LRP1: variants seen among roughly 807,000 people sequenced by gnomAD.
LRP1 encodes the protein LDL receptor related protein 1, also known as prolow-density lipoprotein receptor-related protein 1.
In LRP1, 51 loss-of-function variants were observed where a neutral mutation model predicts 541.5. The ratio of observed to expected loss-of-function variants is 0.09; its 90% CI spans 0.08 to 0.12. The LOEUF (loss-of-function observed/expected upper bound fraction) is 0.12. Ranked by LOEUF, LRP1 falls within the 10% of genes least tolerant of loss-of-function variation. LRP1 has a pLI of 1.00. For synonymous variants in LRP1, 2,219 were observed against 2,470.8 expected, an observed-to-expected ratio of 0.90 and a Z score of 3.02; for missense variants, 3,878 against 6,376.2, an observed-to-expected ratio of 0.61 and a Z score of 13.34.
At chr12:57,134,878 C>T (rs1043082819) in intron 1 of LRP1, among the ~76,000 whole-genome samples, 5 of 151,956 alleles carry the variant, frequency 3.3e-5, no homozygotes, top group Non-Finnish European at 7.4e-5. Flanking sequence ...GCTAATTTTT[C>T]ATATTTTTAG....
rs1446406664 is a variant in LRP1 at position 57,210,226 on chromosome 12, C to A, written c.12580+57C>A. On this transcript the variant is annotated intron_variant, in intron 81 of 88. Transcript: ENST00000243077. ...CCTCAGGACCATCTCCTTCCTGTGG[C>A]TCCTGACTTCCCCTGACCTTGTTGC... 6 of 1,550,942 alleles carry A rather than the reference C, an allele frequency of 3.9e-6. No homozygotes were observed. The African/African-American group carries it at 8.1e-5, about 21-fold the overall frequency.
Position 57,158,361 on chromosome 12 carries a change from A to G in LRP1, c.1562-41A>G. On this transcript the variant is annotated intron_variant, in intron 10 of 88. Coordinates refer to ENST00000243077, the MANE Select transcript of LRP1 (RefSeq NM_002332.3). The surrounding 1 kb of genome is among the most constrained non-coding windows in gnomAD (Gnocchi z 5.3). ...CAGCCCCTGGGTGGGGATGATGGTC[A>G]TGTGTGTGTCTGACTGTACCCTGGC... 6.6e-7 allele frequency: 1 copy of G among 1,506,680 alleles called. No individual in the cohort carries two copies. The highest frequency in any genetic ancestry group is 9.1e-7 in the Non-Finnish European group (1 of 1,098,818). The allele number at this position is 1,506,680 out of a possible 1,614,324, so 93.3% of individuals were successfully genotyped here.
At position 57,165,337 on chromosome 12, in the gene LRP1, T is replaced by A; in HGVS notation, c.2531-468T>A. ...ACAGATAGTGATGGTGAGGCATACG[T>A]TCTGGGGACAGGATGGGTGGAGCCT... On this transcript the variant is annotated intron_variant, in intron 15 of 88. Coordinates refer to ENST00000243077, the MANE Select transcript of LRP1 (RefSeq NM_002332.3). The surrounding 1 kb of genome is among the most constrained non-coding windows in gnomAD (Gnocchi z 4.5). The A allele has an allele frequency of 6.2e-6, 1 of 161,622 alleles. No individual in the cohort carries two copies. The highest frequency in any genetic ancestry group is 1.7e-4 in the South Asian group (1 of 5,802). 10.0% of individuals were successfully genotyped at this position (161,622 alleles called of 1,614,324 possible).
chr12:57,130,657 C>T (rs1369899833), intron 1 of LRP1, among the ~76,000 whole-genome samples: 2 of 152,070 alleles, frequency 1.3e-5, no homozygotes, highest in Non-Finnish European at 2.9e-5. Context: ...TCAGGAGCCC[C>T]TTGAAGGAGG....
In LRP1 at chr12:57,179,851, C is replaced by A. The variant is rs2036125785; in HGVS notation, c.5036C>A (p.Thr1679Asn). Reference sequence around the variant, plus strand: ...AACCTGTTCTGGACAAGCTATGACACCAATAAGAAGCAGATCAATGTGGCC... The same window carrying A: ...AACCTGTTCTGGACAAGCTATGACAACAATAAGAAGCAGATCAATGTGGCC... ...SRNLFWTSYDTNKKQINVARL... is the reference protein window; with the variant it reads ...SRNLFWTSYDNNKKQINVARL... Residue 1679 changes from threonine (T) to asparagine (N), a missense_variant, in exon 30 of 89, where the codon ACC becomes AAC. Around this residue, in one of 13 missense-constraint regions of LRP1, gnomAD observed 394 missense variants for 635.9 expected, o/e 0.62. Transcript: ENST00000243077. The surrounding 1 kb of genome is among the most constrained non-coding windows in gnomAD (Gnocchi z 6.8). The A allele has an allele frequency of 5.6e-6, 9 of 1,614,170 alleles. No homozygotes were observed. The highest frequency in any genetic ancestry group is 7.6e-6 in the Non-Finnish European group (9 of 1,180,032).
In LRP1 at chr12:57,185,157, G is replaced by A. The variant is rs1404245051; in HGVS notation, c.6415G>A (p.Gly2139Ser). The A allele has an allele frequency of 3.1e-6, 5 of 1,613,992 alleles. No homozygotes were observed. Among genetic ancestry groups the A allele is most frequent in the East Asian group, 2.2e-5 (1 of 44,890 alleles). ...CTCCGTGCCCCTGCGAACCGGCATC[G>A]GCGTCCAGCTTAAAGACATCAAAGT... ...TDSVPLRTGIGVQLKDIKVFN... is the reference protein window; with the variant it reads ...TDSVPLRTGISVQLKDIKVFN... Residue 2139 changes from glycine to serine, a missense_variant, in exon 40 of 89, where the codon GGC (glycine) becomes AGC (serine). Transcript: ENST00000243077. This position sits in a 1 kb window ranked among gnomAD's most constrained non-coding sequence, Gnocchi z 4.9.
Position 57,203,694 on chromosome 12 carries a change from A to T in LRP1, c.10951+173A>T, listed in dbSNP as rs34185879. On this transcript the variant is annotated intron_variant, in intron 70 of 88. Coordinates refer to ENST00000243077, the MANE Select transcript of LRP1 (RefSeq NM_002332.3). ...ATAGGTGTTAGGGACGTAGTAGTAA[A>T]CAAGACACAGGGCCCCTGAATACAC... The T allele has an allele frequency of 2.2e-3, 1,838 of 844,476 alleles. 25 individuals carry two copies. The African/African-American group carries it at 0.029, about 14-fold the overall frequency. The allele number at this position is 844,476 out of a possible 1,614,324, so 52.3% of individuals were successfully genotyped here. A position where few individuals can be genotyped will look rare whatever the true frequency, so the allele number is the denominator to read the frequency against.
intron 24 of LRP1, among the ~76,000 whole-genome samples, chr12:57,176,673 A>G (rs1486529155): frequency 1.3e-5 from 2 of 152,234 alleles, no homozygotes; most frequent in Non-Finnish European, 2.9e-5. Context: ...ATGTCCATCA[A>G]CGAGGGGGGA....
intron 6 of LRP1, chr12:57,149,544 C>A: frequency 1.5e-6 from 1 of 657,404 alleles, no homozygotes; most frequent in Non-Finnish European, 2.8e-6. Context: ...GCAAGGATTT[C>A]TCAATAGAGG....
chr12:57,191,992 CATAGG>C (rs2036417538), intron 44 of LRP1, among the ~76,000 whole-genome samples: 12 of 95,046 alleles, frequency 1.3e-4, no homozygotes, highest in East Asian at 6.8e-4. Flanking sequence ...ACACACCACA[CATAGG>C]ACACACATAC....
chr12:57,140,758 G>T (rs964064312), intron 2 of LRP1, among the ~76,000 whole-genome samples: 1 of 152,086 alleles, frequency 6.6e-6, no homozygotes, highest in Non-Finnish European at 1.5e-5. Flanking sequence ...TTTTGAGACA[G>T]ATCTCGCTCT....
In LRP1 at chr12:57,211,564, A is replaced by C; in HGVS notation, c.13169A>C (p.Asn4390Thr). 2 of 1,614,066 alleles carry C rather than the reference A, an allele frequency of 1.2e-6. No homozygotes were observed. Among genetic ancestry groups the C allele is most frequent in the Non-Finnish European group, 1.7e-6 (2 of 1,180,012 alleles). The part of the protein sequence containing the change: ...HCSNGGSCTM[N>T]SKMMPECQCP... ...AGCAATGGCGGCTCCTGTACCATGA[A>C]CAGCAAAATGATGCCTGAGTGCCAG... is the stretch of plus-strand genomic sequence containing the variant. Residue 4390 changes from asparagine to threonine, a missense_variant, in exon 85 of 89, where the codon AAC (asparagine) becomes ACC (threonine). Asn to Thr is a moderately conservative substitution (Grantham distance 65, BLOSUM62 0). This residue lies in a region of LRP1 where 871 missense variants were observed against 1,212.4 expected (regional missense o/e 0.72). Transcript: ENST00000243077. This position sits in a 1 kb window ranked among gnomAD's most constrained non-coding sequence, Gnocchi z 4.3.
rs1469379593 is a variant in LRP1 at position 57,178,112 on chromosome 12, G to C, written c.4362-247G>C. On this transcript the variant is annotated intron_variant, in intron 26 of 88. Coordinates refer to ENST00000243077, the MANE Select transcript of LRP1 (RefSeq NM_002332.3). This position sits in a 1 kb window ranked among gnomAD's most constrained non-coding sequence, Gnocchi z 5.8. ...TGAGTGCTGACAGCAGCCCTGGGGA[G>C]AAGTGACCGAAAGATTCCCTTGGGG... Among the ~76,000 whole-genome samples, 1 of 152,146 alleles carries C rather than the reference G, an allele frequency of 6.6e-6. No individual in the cohort carries two copies. Among genetic ancestry groups the C allele is most frequent in the African/African-American group, 2.4e-5 (1 of 41,424 alleles).
chr12:57,202,905 C>CG, intron 68 of LRP1: 1 of 569,484 alleles, frequency 1.8e-6, no homozygotes, highest in Non-Finnish European at 3.1e-6. Flanking sequence ...GTCTTGCCCC[C>CG]GCTCCCCTCC....
rs756459824 is a variant in LRP1, at chr12:57,173,309, A to C, written c.3305A>C (p.His1102Pro). 1.2e-6 allele frequency: 2 copies of C among 1,614,054 alleles called. No individual in the cohort carries two copies. The highest frequency in any genetic ancestry group is 2.2e-5 in the South Asian group (2 of 91,082). ...GAGAAGAGCTGTGAGGGAGTGACCC[A>C]CGTCTGCGATCCCAGTGTCAAGTTT... ...SDEKSCEGVT[H>P]VCDPSVKFGC... is the part of the protein sequence containing the mutation. Residue 1102 changes from histidine (H) to proline (P), a missense_variant, in exon 21 of 89, where the codon CAC becomes CCC. By Grantham distance (77) the His-to-Pro change is moderately conservative (BLOSUM62 -2). Around this residue, in one of 13 missense-constraint regions of LRP1, gnomAD observed 320 missense variants for 547.9 expected, o/e 0.58. Coordinates refer to ENST00000243077, the MANE Select transcript of LRP1 (RefSeq NM_002332.3). This position sits in a 1 kb window ranked among gnomAD's most constrained non-coding sequence, Gnocchi z 4.7.
At chr12:57,151,836 G>C (rs1592612545) in intron 6 of LRP1, among the ~76,000 whole-genome samples, 1 of 152,324 alleles carries the variant, frequency 6.6e-6, no homozygotes, top group East Asian at 1.9e-4. Context: ...TGGTGGGGCA[G>C]GCAGAGGAAT....
Position 57,195,988 on chromosome 12 carries a change from C to T in LRP1, c.8686C>T (p.His2896Tyr). 1.2e-6 allele frequency: 2 copies of T among 1,613,084 alleles called. No individual in the cohort carries two copies. The highest frequency in any genetic ancestry group is 1.7e-4 in the Middle Eastern group (1 of 6,056). ...GAGTGACGAGGCTCCCAAGAACCCACACTGCACCAGCCAAGGTGGGCCCCA... is the reference window on the plus strand; with the variant it reads ...GAGTGACGAGGCTCCCAAGAACCCATACTGCACCAGCCAAGGTGGGCCCCA... The part of the protein sequence containing the change: ...DQSDEAPKNP[H>Y]CTSQEHKCNA... Residue 2896 changes from histidine (H) to tyrosine (Y), a missense_variant, in exon 54 of 89, where the codon CAC (histidine) becomes TAC (tyrosine). Around this residue, in one of 13 missense-constraint regions of LRP1, gnomAD observed 1,100 missense variants for 1,827.4 expected, o/e 0.60. Coordinates refer to ENST00000243077, the MANE Select transcript of LRP1 (RefSeq NM_002332.3).
chr12:57,160,801 G>A (rs1159813106), intron 12 of LRP1, 92 bp from the exon 13 acceptor site: 6 of 888,232 alleles, frequency 6.8e-6, no homozygotes, highest in Non-Finnish European at 9.1e-6. Flanking sequence ...CCCCTGTGAG[G>A]AGCTCTGGGA....
In LRP1 at chr12:57,193,282, C is replaced by T. The variant is rs75943467; in HGVS notation, c.7662C>T (p.Ser2554=). 2,817 of 1,613,194 alleles carry T rather than the reference C, an allele frequency of 1.7e-3. 41 individuals are homozygous for T. In the East Asian group the frequency reaches 0.022, roughly 13 times the overall value. The change falls in exon 46 of 89, where the codon TCC becomes TCT. Residue 2554 remains serine (S), a synonymous_variant. Coordinates refer to ENST00000243077, the MANE Select transcript of LRP1 (RefSeq NM_002332.3). The part of the protein sequence containing the change: ...CDGVPHCKDK[S]DEKPSYCNSR... ...GCGTCCCCCACTGCAAGGACAAGTC[C>T]GATGAGAAGCCATCCTACTGCAGTA...
Sources: allele counts gnomAD v4.1 joint callset (sites outside exome capture counted in the v4.1 genomes callset), GRCh38; gene constraint gnomAD v4.1.1; regional missense constraint gnomAD v4.1.1; non-coding constraint Gnocchi (gnomAD v3.1); transcripts MANE v1.5; gene names NCBI Gene and HGNC (gene_info 2026-07-23, HGNC 2026-07-21).